The following PARP14 variants were observed in gnomAD, a reference collection of about 807,000 sequenced individuals.
PARP14 encodes protein mono-ADP-ribosyltransferase PARP14.
In PARP14, 59 loss-of-function variants were observed where a neutral mutation model predicts 154.2. The ratio of observed to expected loss-of-function variants is 0.38; its 90% confidence interval spans 0.31 to 0.48. PARP14 has a LOEUF of 0.48. Ranked by LOEUF, PARP14 falls within the 20% of genes least tolerant of loss-of-function variation. The pLI, the probability that PARP14 is intolerant of heterozygous loss-of-function variation, is 0.98. For synonymous variants in PARP14, 720 were observed against 780.5 expected (o/e 0.92, Z 1.29); for missense variants, 1,734 against 2,131.6 (o/e 0.81, Z 3.67).
chr3:122,685,405 A>G, intron 2 of PARP14, 87 bp downstream of exon 2: 1 of 1,282,824 alleles, frequency 7.8e-7, no homozygotes, highest in Non-Finnish European at 1.1e-6. Context: ...ATATAGTGGA[A>G]AGAAAAGCAT....
rs1043680256 is a variant in PARP14, at chr3:122,692,334, T to G, written c.389T>G (p.Leu130Arg). ...GAAGAATTGGATACAAAACTCCCTC[T>G]TGATGGTGGATTAGACAAAATGGAA... The part of the protein sequence containing the change: ...VSEELDTKLP[L>R]DGGLDKMEDI... The change falls in exon 4 of 17, where the codon CTT becomes CGT. Residue 130 changes from leucine to arginine, a missense_variant. Around this residue, in one of 2 missense-constraint regions of PARP14, gnomAD observed 1,646 missense variants for 1,976.0 expected, o/e 0.83. Coordinates refer to ENST00000474629, the MANE Select transcript of PARP14 (RefSeq NM_017554.3). 6.2e-7 allele frequency: 1 copy of G among 1,612,978 alleles called. No individual in the cohort carries two copies. Among genetic ancestry groups the G allele is most frequent in the Non-Finnish European group, 8.5e-7 (1 of 1,179,056 alleles).
Position 122,700,424 on chromosome 3 carries a change from A to C in PARP14, c.1870A>C (p.Lys624Gln). The stretch of plus-strand genomic sequence containing the variant: ...AGGGCTCACTCACAATTTGCTTAAG[A>C]AACAAAATTCCTCCCCAAACACTGT... ...WKGLTHNLLK[K>Q]QNSSPNTVII... The change falls in exon 6 of 17, where the codon AAA becomes CAA. Residue 624 changes from lysine to glutamine, a missense_variant. Transcript: ENST00000474629. The C allele has an allele frequency of 6.2e-7, 1 of 1,613,708 alleles. No individual in the cohort carries two copies. The highest frequency in any genetic ancestry group is 1.3e-5 in the African/African-American group (1 of 75,038).
At chr3:122,693,202 A>G (rs1350282764) in intron 4 of PARP14, among the ~76,000 whole-genome samples, 1 of 152,170 alleles carries the variant, frequency 6.6e-6, no homozygotes, top group African/African-American at 2.4e-5. Context: ...GGTCATTCAC[A>G]TATGTAGGTA....
chr3:122,727,499 G>A (rs1933316590), intron 15 of PARP14, among the ~76,000 whole-genome samples: 1 of 152,210 alleles, frequency 6.6e-6, no homozygotes, highest in Non-Finnish European at 1.5e-5. Flanking sequence ...AGTCATTAGA[G>A]TATGTGTAAA....
At position 122,700,940 on chromosome 3, in the gene PARP14, A is replaced by G; in HGVS notation, c.2386A>G (p.Thr796Ala). 2 of 1,613,886 alleles carry G rather than the reference A, an allele frequency of 1.2e-6. No homozygotes were observed. Among genetic ancestry groups the G allele is most frequent in the South Asian group, 2.2e-5 (2 of 91,084 alleles). ...SPAGQKCFSR[T>A]VLAPGVVLIV... ...CGCTGGGCAGAAGTGCTTCTCTCGG[A>G]CAGTCTTGGCCCCTGGCGTTGTGCT... The change falls in exon 6 of 17, where the codon ACA (threonine) becomes GCA (alanine). Residue 796 changes from threonine (T) to alanine (A), a missense_variant. Physicochemically the swap from Thr to Ala is moderately conservative, Grantham distance 58. This residue lies in a region of PARP14 where 1,646 missense variants were observed against 1,976.0 expected (regional missense o/e 0.83). Transcript: ENST00000474629.
chr3:122,714,111 A>G (rs1405120103), intron 11 of PARP14, 151 bp from the exon 12 acceptor site: 1 of 769,008 alleles, frequency 1.3e-6, no homozygotes, highest in Non-Finnish European at 2.1e-6. Flanking sequence ...TTAAAAGTAA[A>G]GTTAAGTCAT....
At chr3:122,684,572 A>G (rs1938310260) in intron 1 of PARP14, among the ~76,000 whole-genome samples, 1 of 152,164 alleles carries the variant, frequency 6.6e-6, no homozygotes, top group African/African-American at 2.4e-5. Context: ...GTTTCACTAC[A>G]GCCAAGCTGC....
rs965308946 is a variant in PARP14, at chr3:122,701,866, G to C, written c.3081+231G>C. 2.0e-5 allele frequency among the ~76,000 whole-genome samples: 3 copies of C among 152,150 alleles called. No individual in the cohort carries two copies. Among genetic ancestry groups the C allele is most frequent in the African/African-American group, 7.2e-5 (3 of 41,426 alleles). ...TTGTGAGAACTGAAAGGGTATAGAGGTCAGATTGCTAGATTTCCAGTAGAT... is the reference window on the plus strand; with the variant it reads ...TTGTGAGAACTGAAAGGGTATAGAGCTCAGATTGCTAGATTTCCAGTAGAT... On this transcript the variant is annotated intron_variant, in intron 6 of 16. Transcript: ENST00000474629. This position sits in a 1 kb window ranked among gnomAD's most constrained non-coding sequence, Gnocchi z 4.0.
chr3:122,708,641 C>T (rs1047290404), intron 9 of PARP14, among the ~76,000 whole-genome samples: 1 of 152,102 alleles, frequency 6.6e-6, no homozygotes, highest in African/African-American at 2.4e-5. Context: ...TGAGTTTCAC[C>T]GAGGCTTCTT....
At chr3:122,694,528 C>G (rs959655087) in intron 4 of PARP14, among the ~76,000 whole-genome samples, 1 of 152,292 alleles carries the variant, frequency 6.6e-6, no homozygotes, top group Middle Eastern at 3.4e-3. Context: ...GGCCCACCAT[C>G]AATACTTATT....
intron 15 of PARP14, chr3:122,721,188 C>A: frequency 3.6e-6 from 1 of 277,006 alleles, no homozygotes; most frequent in South Asian, 3.2e-5. Context: ...ATATATTTAC[C>A]CTTCTTGGAT....
In PARP14 at chr3:122,689,896, C is replaced by T. The variant is rs144610731; in HGVS notation, c.356-2405C>T. Among the ~76,000 whole-genome samples the T allele has an allele frequency of 1.8e-4, 27 of 152,268 alleles. No individual in the cohort carries two copies. In the East Asian group the frequency reaches 2.9e-3, roughly 16 times the overall value. ...ATTTTCTTCATTCTGCACAATTGTG[C>T]GCCTTTTGAGCCACATCAGTCAAAT... On this transcript the variant is annotated intron_variant, in intron 3 of 16. Transcript: ENST00000474629.
At position 122,680,854 on chromosome 3, in the gene PARP14, C is replaced by G. The variant is rs779817181; in HGVS notation, c.-30C>G. On this transcript the variant is annotated 5_prime_UTR_variant, in exon 1 of 17. Coordinates refer to ENST00000474629, the MANE Select transcript of PARP14 (RefSeq NM_017554.3). ...TTAGCGGCCCGGAGTTGGCGCGGCCCCTGCAGTCCGGCGGAGAGCGGAGCT... is the reference window on the plus strand; with the variant it reads ...TTAGCGGCCCGGAGTTGGCGCGGCCGCTGCAGTCCGGCGGAGAGCGGAGCT... 4 of 1,558,780 alleles carry G rather than the reference C, an allele frequency of 2.6e-6. No homozygotes were observed. In the Admixed American group the frequency reaches 5.6e-5, roughly 22 times the overall value.
At chr3:122,686,347 G>A (rs556504149) in intron 2 of PARP14, among the ~76,000 whole-genome samples, 1 of 151,872 alleles carries the variant, frequency 6.6e-6, no homozygotes, top group African/African-American at 2.4e-5. Context: ...TAGAGTCGGG[G>A]TTTTACCATG....
chr3:122,728,159 C>T (rs1321301263), intron 16 of PARP14, 149 bp from the exon 17 acceptor site: 2 of 919,884 alleles, frequency 2.2e-6, no homozygotes. Context: ...ACTGGCCCTT[C>T]TAGGTAGAAA....
Position 122,730,691 on chromosome 3 carries a change from AG to A in PARP14, c.*2095del, listed in dbSNP as rs1933405260. On this transcript the variant is annotated 3_prime_UTR_variant, in exon 17 of 17. Coordinates refer to ENST00000474629, the MANE Select transcript of PARP14 (RefSeq NM_017554.3). ...CTGCTGTTATTCGCTTTTGTTCTCC[AG>A]TGATTTGATTAACTCAGGGCAAGGC... 6.6e-6 allele frequency: 1 copy of A among 152,668 alleles called. No individual in the cohort carries two copies. The highest frequency in any genetic ancestry group is 2.1e-4 in the South Asian group (1 of 4,830). The allele number at this position is 152,668 out of a possible 1,614,324, so 9.5% of individuals were successfully genotyped here.
intron 4 of PARP14, among the ~76,000 whole-genome samples, 174 bp from the exon 5 acceptor site, chr3:122,695,252 G>A (rs1317384645): frequency 1.3e-5 from 2 of 152,232 alleles, no homozygotes. Flanking sequence ...GTCGCCCAGC[G>A]ACTGGGAGTT....
At position 122,681,103 on chromosome 3, in the gene PARP14, G is replaced by A. The variant is rs750453268; in HGVS notation, c.187+33G>A. ...GCGCGAGGGGTGGGGTGAGGAGGGG[G>A]CACCTCTGCCCTCCCTCCAGGGAAA... On this transcript the variant is annotated intron_variant, in intron 1 of 16. Coordinates refer to ENST00000474629, the MANE Select transcript of PARP14 (RefSeq NM_017554.3). The surrounding 1 kb of genome is among the most constrained non-coding windows in gnomAD (Gnocchi z 5.5). 6.9e-7 allele frequency: 1 copy of A among 1,447,614 alleles called. No individual in the cohort carries two copies. Among genetic ancestry groups the A allele is most frequent in the Non-Finnish European group, 9.5e-7 (1 of 1,055,532 alleles). The allele number at this position is 1,447,614 out of a possible 1,614,324, so 89.7% of individuals were successfully genotyped here. A position where few individuals can be genotyped will look rare whatever the true frequency, so the allele number is the denominator to read the frequency against.
In PARP14 at chr3:122,718,622, A is replaced by G. The variant is rs1200368656; in HGVS notation, c.4471A>G (p.Lys1491Glu). 6.2e-7 allele frequency: 1 copy of G among 1,613,954 alleles called. No homozygotes were observed. The highest frequency in any genetic ancestry group is 8.5e-7 in the Non-Finnish European group (1 of 1,179,846). The change falls in exon 14 of 17, where the codon AAG becomes GAG. Residue 1491 changes from lysine (K) to glutamate (E), a missense_variant. Lys to Glu is a moderately conservative substitution (Grantham distance 56, BLOSUM62 1). Coordinates refer to ENST00000474629, the MANE Select transcript of PARP14 (RefSeq NM_017554.3). The stretch of plus-strand genomic sequence containing the variant: ...AAATATTAACATTTCCCTGGACCAT[A>G]AGAGACCTTTGATTAAGGTTTTGGG... Reference protein sequence around the residue: ...KLNINISLDHKRPLIKVLGIS... With the variant: ...KLNINISLDHERPLIKVLGIS...
Sources: allele counts gnomAD v4.1 joint callset (sites outside exome capture counted in the v4.1 genomes callset), GRCh38; gene constraint gnomAD v4.1.1; regional missense constraint gnomAD v4.1.1; non-coding constraint Gnocchi (gnomAD v3.1); transcripts MANE v1.5; gene names NCBI Gene and HGNC (gene_info 2026-07-23, HGNC 2026-07-21).